Variants in BRD3 observed in about 807,000 individuals in gnomAD.
BRD3 encodes the protein bromodomain containing 3, also known as bromodomain-containing protein 3.
BRD3 carries 17 observed loss-of-function variants against 66.8 expected under a neutral mutation model. That is an observed-to-expected ratio of 0.25 (90% CI 0.17 to 0.38). BRD3 has a LOEUF of 0.38. Ranked by LOEUF, BRD3 falls within the 10% of genes least tolerant of loss-of-function variation. The probability of loss-of-function intolerance (pLI) is 1.00; values close to 1 mark genes in which losing one functional copy is unlikely to be tolerated. For synonymous variants in BRD3, 421 were observed against 393.2 expected (o/e 1.07, Z -0.84); for missense variants, 713 against 956.1 (o/e 0.75, Z 3.35).
rs1564555774 is a variant in BRD3, at chr9:134,051,871, G to GTTTTTTTTTTTTTTTTTT, written c.352-163_352-162insAAAAAAAAAAAAAAAAAA. Among the ~76,000 whole-genome samples, 4 of 110,506 alleles carry GTTTTTTTTTTTTTTTTTT rather than the reference G, an allele frequency of 3.6e-5. 1 individual carries two copies. Among genetic ancestry groups the GTTTTTTTTTTTTTTTTTT allele is most frequent in the African/African-American group, 1.7e-4 (4 of 23,256 alleles). The allele number at this position is 110,506 out of a possible 152,430, so 72.5% of individuals were successfully genotyped here. A position where few individuals can be genotyped will look rare whatever the true frequency, so the allele number is the denominator to read the frequency against. ...TATGTGTGTGTGTGTGTGTGTGTGT[G>GTTTTTTTTTTTTTTTTTT]TGTGTGTTGTTTTTTTTGTTTTTTT... On this transcript the variant is annotated intron_variant, in intron 3 of 11. Coordinates refer to ENST00000303407, the MANE Select transcript of BRD3 (RefSeq NM_007371.4).
chr9:134,042,788 AAT>A (rs775086211), intron 7 of BRD3, among the ~76,000 whole-genome samples: 93 of 56,062 alleles, frequency 1.7e-3, no homozygotes, highest in African/African-American at 3.5e-3. Flanking sequence ...TATATACACA[AAT>A]ATACACACAC....
In BRD3 at chr9:134,048,176, G is replaced by A. The variant is rs1331209421; in HGVS notation, c.993C>T (p.Ala331=). 1 of 1,612,204 alleles carries A rather than the reference G, an allele frequency of 6.2e-7. No individual in the cohort carries two copies. Among genetic ancestry groups the A allele is most frequent in the Non-Finnish European group, 8.5e-7 (1 of 1,179,758 alleles). ...CATCCACTGGCTTGTAGAAGGGCCA[G>A]GCGTAGGCCGCGTGCTTCTTGGATA... is the stretch of plus-strand genomic sequence containing the variant. The part of the protein sequence containing the change: ...EMLSKKHAAY[A]WPFYKPVDAE... The change falls in exon 6 of 12, where the codon GCC becomes GCT. Residue 331 remains alanine (A), a synonymous_variant. Transcript: ENST00000303407.
intron 1 of BRD3, 125 bp from the exon 2 acceptor site, chr9:134,053,715 C>T (rs1830353423): frequency 1.2e-6 from 1 of 838,748 alleles, no homozygotes; most frequent in Non-Finnish European, 1.7e-6. Context: ...ACTCACTCAC[C>T]CCCATTGCCC....
chr9:134,036,903 C>A (rs756956167), intron 9 of BRD3, among the ~76,000 whole-genome samples: 1 of 151,562 alleles, frequency 6.6e-6, no homozygotes, highest in Non-Finnish European at 1.5e-5. Context: ...CCCAGCTATG[C>A]GGGAGGCTGA....
chr9:134,038,983 C>G (rs1187078543), intron 9 of BRD3, among the ~76,000 whole-genome samples: 2 of 152,038 alleles, frequency 1.3e-5, no homozygotes, highest in Admixed American at 6.6e-5. Flanking sequence ...GAAGGAAAGA[C>G]CTATCCCGAC....
intron 6 of BRD3, among the ~76,000 whole-genome samples, chr9:134,046,288 G>C (rs1000610769): frequency 6.6e-6 from 1 of 152,234 alleles, no homozygotes; most frequent in African/African-American, 2.4e-5. Flanking sequence ...GGGGCAAAGA[G>C]AGGTCACGCT....
At position 134,036,156 on chromosome 9, in the gene BRD3, G is replaced by C. The variant is rs200111572; in HGVS notation, c.1812C>G (p.Pro604=). ...RVVHIIQSRE[P]SLRDSNPDEI... ...CGTCGGGGTTGGAGTCCCTGAGCGA[G>C]GGCTCCCGAGATTGGATGATGTGCA... The change falls in exon 10 of 12, where the codon CCC becomes CCG. Residue 604 remains proline, a synonymous_variant. Coordinates refer to ENST00000303407, the MANE Select transcript of BRD3 (RefSeq NM_007371.4). 3.7e-6 allele frequency: 6 copies of C among 1,614,262 alleles called. No homozygotes were observed. The highest frequency in any genetic ancestry group is 5.1e-6 in the Non-Finnish European group (6 of 1,180,046).
intron 2 of BRD3, among the ~76,000 whole-genome samples, chr9:134,053,019 G>A (rs919786286): frequency 5.3e-5 from 8 of 152,188 alleles, no homozygotes; most frequent in East Asian, 1.9e-4. Context: ...CCACCCACTC[G>A]CTTTCCTCCC....
In BRD3 at chr9:134,050,510, G is replaced by A. The variant is rs200316883; in HGVS notation, c.578C>T (p.Thr193Met). Residue 193 changes from threonine to methionine, a missense_variant, in exon 5 of 12, where the codon ACG becomes ATG. Thr to Met is a moderately conservative substitution (Grantham distance 81, BLOSUM62 -1). Coordinates refer to ENST00000303407, the MANE Select transcript of BRD3 (RefSeq NM_007371.4). ...TACAGGGGTGGCAGCGATGACGGGC[G>A]TCTGGGAGACGGTGGGGGGCACGCT... ...FQSVPPTVSQ[T>M]PVIAATPVPT... 1.7e-5 allele frequency: 28 copies of A among 1,606,696 alleles called. No homozygotes were observed. The highest frequency in any genetic ancestry group is 3.3e-5 in the South Asian group (3 of 90,336).
chr9:134,047,925 C>T, intron 6 of BRD3, 158 bp downstream of exon 6: 1 of 1,056,758 alleles, frequency 9.5e-7, no homozygotes, highest in Non-Finnish European at 1.3e-6. Context: ...GCCTTGCCAG[C>T]CACAGCCGGC....
intron 8 of BRD3, among the ~76,000 whole-genome samples, chr9:134,040,930 G>A (rs1332510311): frequency 6.6e-6 from 1 of 152,162 alleles, no homozygotes; most frequent in Non-Finnish European, 1.5e-5. Context: ...GAGGCCCCTT[G>A]AGAGGCACTG....
intron 8 of BRD3, among the ~76,000 whole-genome samples, chr9:134,041,001 C>T (rs1027770166): frequency 6.6e-6 from 1 of 152,164 alleles, no homozygotes; most frequent in African/African-American, 2.4e-5. Context: ...AGACAGAGGG[C>T]GGGTGGAGGA....
intron 1 of BRD3, among the ~76,000 whole-genome samples, chr9:134,061,136 A>G (rs1019242754): frequency 1.3e-5 from 2 of 152,244 alleles, no homozygotes; most frequent in African/African-American, 4.8e-5. Context: ...CCAGAGGGGC[A>G]GGAGCAGGCA....
At chr9:134,060,210 C>T (rs1230370597) in intron 1 of BRD3, among the ~76,000 whole-genome samples, 1 of 152,194 alleles carries the variant, frequency 6.6e-6, no homozygotes, top group Non-Finnish European at 1.5e-5. Flanking sequence ...ACAAGAGGAT[C>T]CGAAACTGCC....
rs140918065 is a variant in BRD3 at position 134,045,892 on chromosome 9, G to A, written c.1087-471C>T. 6.6e-6 allele frequency among the ~76,000 whole-genome samples: 1 copy of A among 152,340 alleles called. No individual in the cohort carries two copies. The highest frequency in any genetic ancestry group is 1.5e-5 in the Non-Finnish European group (1 of 68,020). ...AAATGTAATTTTTTCCCTCGAGGAA[G>A]CCAGTAGCTGTTAGCCAGCTTGCGT... is the stretch of plus-strand genomic sequence containing the variant. On this transcript the variant is annotated intron_variant, in intron 6 of 11. Coordinates refer to ENST00000303407, the MANE Select transcript of BRD3 (RefSeq NM_007371.4). The surrounding 1 kb of genome is among the most constrained non-coding windows in gnomAD (Gnocchi z 4.8).
chr9:134,046,072 C>A (rs1011389557), intron 6 of BRD3, among the ~76,000 whole-genome samples: 3 of 152,152 alleles, frequency 2.0e-5, no homozygotes, highest in African/African-American at 7.2e-5. Context: ...AGAGACCCTA[C>A]AGCAAAACCC....
In BRD3 at chr9:134,040,091, T is replaced by A. The variant is rs987574430; in HGVS notation, c.1586A>T (p.Gln529Leu). 5.0e-6 allele frequency: 8 copies of A among 1,588,182 alleles called. No homozygotes were observed. Among genetic ancestry groups the A allele is most frequent in the Middle Eastern group, 3.3e-4 (2 of 6,058 alleles). Residue 529 changes from glutamine to leucine, a missense_variant, in exon 9 of 12, where the codon CAG (glutamine) becomes CTG (leucine). Physicochemically the swap from Gln to Leu is moderately radical, Grantham distance 113 (BLOSUM62 -2). This residue lies in a region of BRD3 where 418 missense variants were observed against 609.3 expected (regional missense o/e 0.69). Transcript: ENST00000303407. ...KKAKVAPPAK[Q>L]AQQKKAPAKK... ...GGCAGGAGCCTTCTTCTGCTGAGCCTGCTTGGCAGGCGGAGCCACCTTGGC... is the reference window on the plus strand; with the variant it reads ...GGCAGGAGCCTTCTTCTGCTGAGCCAGCTTGGCAGGCGGAGCCACCTTGGC...
intron 7 of BRD3, 21 bp from the exon 8 acceptor site, chr9:134,041,972 C>T: frequency 6.5e-7 from 1 of 1,545,534 alleles, no homozygotes; most frequent in Non-Finnish European, 8.7e-7. Context: ...ACAGAGGCTG[C>T]CCTGAAGACA....
chr9:134,040,280 G>A lies in BRD3; in HGVS notation c.1408-11C>T, dbSNP rs200138058. On this transcript the variant is annotated splice_polypyrimidine_tract_variant and intron_variant, in intron 8 of 11. Transcript: ENST00000303407. Reference sequence around the variant, plus strand: ...GTGCACGGCCTTCAGCTGGAAAAGAGCGGGCGGCTGAGCAGGTGCTGGGCA... The same window carrying A: ...GTGCACGGCCTTCAGCTGGAAAAGAACGGGCGGCTGAGCAGGTGCTGGGCA... 734 of 1,587,874 alleles carry A rather than the reference G, an allele frequency of 4.6e-4. No individual in the cohort carries two copies. Among genetic ancestry groups the A allele is most frequent in the Admixed American group, 6.9e-4 (39 of 56,664 alleles).
Sources: gnomAD v4.1 joint callset for allele counts (sites outside exome capture counted in the v4.1 genomes callset) on GRCh38, gnomAD v4.1.1 for gene constraint, gnomAD v4.1.1 regional missense constraint, Gnocchi (gnomAD v3.1) non-coding constraint, MANE v1.5 for transcripts, NCBI Gene and HGNC (gene_info 2026-07-23, HGNC 2026-07-21) for gene names.